Variants in IFT27 observed in about 807,000 individuals in gnomAD.
IFT27 encodes intraflagellar transport 27.
A neutral mutation model predicts 23.9 loss-of-function variants in IFT27; 19 were observed. That is an observed-to-expected ratio of 0.79 (90% CI 0.55 to 1.16). The LOEUF is 1.16. Ranked by LOEUF, IFT27 falls within the 50% of genes most tolerant of loss-of-function variation. The pLI is 0.00. For missense variants in IFT27, 206 were observed against 228.7 expected (o/e 0.90, Z 0.64); for synonymous variants, 91 against 89.1 (o/e 1.02, Z -0.12).
At position 36,758,346 on chromosome 22, in the gene IFT27, G is replaced by A. The variant is rs201189943; in HGVS notation, c.526C>T (p.Arg176Trp). 24 of 1,613,996 alleles carry A rather than the reference G, an allele frequency of 1.5e-5. No individual in the cohort carries two copies. The highest frequency in any genetic ancestry group is 3.3e-5 in the South Asian group (3 of 91,090). Residue 176 changes from arginine (R) to tryptophan (W), a missense_variant, in exon 7 of 7, where the codon CGG (arginine) becomes TGG (tryptophan). By Grantham distance (101) the Arg-to-Trp change is moderately radical (BLOSUM62 -3). Transcript: ENST00000433985. Reference protein sequence around the residue: ...CLAKQFHQLYREKVEVFRALA With the variant: ...CLAKQFHQLYWEKVEVFRALA ...GCCCGGAAAACCTCCACCTTCTCCCGGTACAGCTGGTGGAACTGCTTGGCA... is the reference window on the plus strand; with the variant it reads ...GCCCGGAAAACCTCCACCTTCTCCCAGTACAGCTGGTGGAACTGCTTGGCA...
chr22:36,758,211 G>C lies in IFT27; in HGVS notation c.*100C>G. On this transcript the variant is annotated 3_prime_UTR_variant, in exon 7 of 7. Transcript: ENST00000433985. ...CAAGAGTGGAAGGAGCTGCTGCTTC[G>C]ACATTTTCTCCTAATTTTATTTAAA... The C allele has an allele frequency of 9.3e-7, 1 of 1,069,864 alleles. No individual in the cohort carries two copies. The highest frequency in any genetic ancestry group is 2.4e-5 in the East Asian group (1 of 41,790). The allele number at this position is 1,069,864 out of a possible 1,614,324, so 66.3% of individuals were successfully genotyped here.
chr22:36,760,051 G>C (rs1199258931), intron 6 of IFT27: 1 of 152,164 alleles, frequency 6.6e-6, no homozygotes, highest in Non-Finnish European at 1.5e-5. Context: ...TTGTAGCCAA[G>C]ACGAACATTT....
At chr22:36,764,532 C>T (rs572810259) in intron 4 of IFT27, among the ~76,000 whole-genome samples, 1 of 152,390 alleles carries the variant, frequency 6.6e-6, no homozygotes, top group East Asian at 1.9e-4. Flanking sequence ...GAGCCCACCA[C>T]CATGCAAGTT....
chr22:36,767,826 A>G lies in IFT27; in HGVS notation c.71T>C (p.Ile24Thr), dbSNP rs1479968321. 6 of 1,614,178 alleles carry G rather than the reference A, an allele frequency of 3.7e-6. No individual in the cohort carries two copies. Among genetic ancestry groups the G allele is most frequent in the South Asian group, 3.3e-5 (3 of 91,088 alleles). ...GAAATGGGCTCCATCACTGCGGAAGATCTGTGCCAGGGCGGTCTTGCCCAC... is the reference window on the plus strand; with the variant it reads ...GAAATGGGCTCCATCACTGCGGAAGGTCTGTGCCAGGGCGGTCTTGCCCAC... ...PAVGKTALAQ[I>T]FRSDGAHFQK... Residue 24 changes from isoleucine (I) to threonine (T), a missense_variant, in exon 2 of 7, where the codon ATC (isoleucine) becomes ACC (threonine). Coordinates refer to ENST00000433985, the MANE Select transcript of IFT27 (RefSeq NM_001177701.3).
intron 4 of IFT27, 132 bp from the exon 5 acceptor site, chr22:36,764,168 C>A: frequency 1.5e-6 from 1 of 687,884 alleles, no homozygotes. Flanking sequence ...CAGCCACACC[C>A]CCAGATGTCC....
At chr22:36,774,229 T>C (rs1325879250) in intron 1 of IFT27, among the ~76,000 whole-genome samples, 1 of 152,244 alleles carries the variant, frequency 6.6e-6, no homozygotes, top group African/African-American at 2.4e-5. Flanking sequence ...TCTTTCTGTG[T>C]GACCCTTTTA....
At chr22:36,765,391 C>T (rs551164825) in intron 4 of IFT27, among the ~76,000 whole-genome samples, 1 of 152,124 alleles carries the variant, frequency 6.6e-6, no homozygotes, top group East Asian at 1.9e-4. Context: ...AGCCCCAGTG[C>T]CAGGCCATGC....
At chr22:36,774,407 T>A (rs554848705) in intron 1 of IFT27, among the ~76,000 whole-genome samples, 38 of 152,160 alleles carry the variant, frequency 2.5e-4, no homozygotes, top group African/African-American at 8.7e-4. Flanking sequence ...GAAACACGAG[T>A]TAAGAGTTTT....
Position 36,767,793 on chromosome 22 carries a change from CTT to C in IFT27, c.102_103del (p.Ser35LeufsTer18). ...GACACCCCAGCTCACCAGGGTGTAGCTTTTCTGGAAATGGGCTCCATCACTGC... is the reference window on the plus strand; with the variant it reads ...GACACCCCAGCTCACCAGGGTGTAGCTTCTGGAAATGGGCTCCATCACTGC... On this transcript the variant is annotated frameshift_variant, in exon 2 of 7. Coordinates refer to ENST00000433985, the MANE Select transcript of IFT27 (RefSeq NM_001177701.3). LOFTEE classifies it high-confidence loss of function. 6.2e-7 allele frequency: 1 copy of C among 1,614,160 alleles called. No individual in the cohort carries two copies. The highest frequency in any genetic ancestry group is 1.1e-5 in the South Asian group (1 of 91,082).
chr22:36,774,204 T>TA (rs1938447423), intron 1 of IFT27, among the ~76,000 whole-genome samples: 1 of 152,232 alleles, frequency 6.6e-6, no homozygotes, highest in Non-Finnish European at 1.5e-5. Flanking sequence ...ATGATTCAGT[T>TA]ACTACTGTCA....
At chr22:36,770,724 C>T (rs770304968) in intron 1 of IFT27, among the ~76,000 whole-genome samples, 4 of 152,162 alleles carry the variant, frequency 2.6e-5, no homozygotes, top group Non-Finnish European at 5.9e-5. Context: ...CCCTTGCATT[C>T]CTCACATCCT....
rs74494195 is a variant in IFT27 at position 36,763,283 on chromosome 22, A to T, written c.353-270T>A. The T allele has an allele frequency of 5.1e-3, 1,884 of 370,670 alleles. 42 individuals carry two copies. Among genetic ancestry groups the T allele is most frequent in the African/African-American group, 0.035 (1,662 of 47,988 alleles). 23.0% of individuals were successfully genotyped at this position (370,670 alleles called of 1,614,324 possible). ...TGTATCTGTCTCCCTTGCCTCCTTA[A>T]AGGGCTGCAAACGCCTGAAGGCGAG... On this transcript the variant is annotated intron_variant, in intron 5 of 6. Coordinates refer to ENST00000433985, the MANE Select transcript of IFT27 (RefSeq NM_001177701.3).
intron 6 of IFT27, chr22:36,761,803 G>A (rs8142622): frequency 0.18 from 27,318 of 152,170 alleles, 3,336 homozygotes; most frequent in Non-Finnish European, 0.26. Flanking sequence ...CTTTGGGGGA[G>A]TTTTATAAGC....
chr22:36,773,514 T>TC lies in IFT27; in HGVS notation c.34+2159_34+2160insG, dbSNP rs1165673754. ...TAAAAAATACAAAAAATTAGCTGGG[T>TC]ATGGTGGTGGGCGCCTGTAATCCCA... On this transcript the variant is annotated intron_variant, in intron 1 of 6. Coordinates refer to ENST00000433985, the MANE Select transcript of IFT27 (RefSeq NM_001177701.3). 1.4e-3 allele frequency among the ~76,000 whole-genome samples: 202 copies of TC among 149,002 alleles called. 2 individuals are homozygous for TC. Among genetic ancestry groups the TC allele is most frequent in the Middle Eastern group, 7.1e-3 (2 of 280 alleles).
chr22:36,773,074 G>A (rs1938423354), intron 1 of IFT27, among the ~76,000 whole-genome samples: 1 of 152,208 alleles, frequency 6.6e-6, no homozygotes, highest in Non-Finnish European at 1.5e-5. Flanking sequence ...GGCACAAAGA[G>A]GCCGGGCATA....
rs35651506 is a variant in IFT27, at chr22:36,773,654, CA to C, written c.34+2019del. 3.8e-3 allele frequency among the ~76,000 whole-genome samples: 421 copies of C among 110,456 alleles called. 2 individuals carry two copies. The highest frequency in any genetic ancestry group is 9.1e-3 in the African/African-American group (253 of 27,784). The allele number at this position is 110,456 out of a possible 152,430, so 72.5% of individuals were successfully genotyped here. ...AGGCAATGAGAGTGAAACTCCGTCT[CA>C]AAAAAAAAAAAAAAAAAAATAGAAG... is the stretch of plus-strand genomic sequence containing the variant. On this transcript the variant is annotated intron_variant, in intron 1 of 6. Transcript: ENST00000433985.
rs1295827276 is a variant in IFT27, at chr22:36,771,623, C to T, written c.35-3761G>A. Among the ~76,000 whole-genome samples, 5 of 152,190 alleles carry T rather than the reference C, an allele frequency of 3.3e-5. No individual in the cohort carries two copies. In the East Asian group the frequency reaches 9.6e-4, roughly 29 times the overall value. ...TCCCAGCTCCCTGGGTCTCTTCAAG[C>T]TTCTGACAACCCCGACCTCTGCCCG... On this transcript the variant is annotated intron_variant, in intron 1 of 6. Coordinates refer to ENST00000433985, the MANE Select transcript of IFT27 (RefSeq NM_001177701.3).
chr22:36,770,611 C>T (rs1938367118), intron 1 of IFT27, among the ~76,000 whole-genome samples: 1 of 152,230 alleles, frequency 6.6e-6, no homozygotes. Context: ...CCCCCATCAC[C>T]CAAGCTTTCT....
At chr22:36,761,525 G>C (rs1938090192) in intron 6 of IFT27, 1 of 152,146 alleles carries the variant, frequency 6.6e-6, no homozygotes, top group African/African-American at 2.4e-5. Flanking sequence ...AAGATTCTAG[G>C]GGTAATATTT....
Sources: allele counts gnomAD v4.1 joint callset (sites outside exome capture counted in the v4.1 genomes callset), GRCh38; gene constraint gnomAD v4.1.1; transcripts MANE v1.5; gene names NCBI Gene and HGNC (gene_info 2026-07-23, HGNC 2026-07-21).